PDSS2: variants seen among roughly 807,000 people sequenced by gnomAD.
PDSS2 encodes the protein all trans-polyprenyl-diphosphate synthase PDSS2.
A neutral mutation model predicts 44.5 loss-of-function variants in PDSS2; 31 were observed. That is an observed-to-expected ratio of 0.70 (90% confidence interval 0.52 to 0.94). PDSS2 has a LOEUF of 0.94. Ranked by LOEUF, PDSS2 falls within the 40% of genes least tolerant of loss-of-function variation. PDSS2 has a pLI of 0.00. For synonymous variants in PDSS2, 157 were observed against 180.3 expected (o/e 0.87, Z 1.03); for missense variants, 452 against 482.2 (o/e 0.94, Z 0.59).
intron 2 of PDSS2, among the ~76,000 whole-genome samples, chr6:107,305,716 T>C (rs1374806972): frequency 1.3e-5 from 2 of 152,188 alleles, no homozygotes; most frequent in African/African-American, 4.8e-5. Context: ...ACTAATGTCT[T>C]CTTTTTTTTG....
chr6:107,272,267 G>T (rs1266858727), intron 3 of PDSS2, among the ~76,000 whole-genome samples: 1 of 152,016 alleles, frequency 6.6e-6, no homozygotes, highest in Non-Finnish European at 1.5e-5. Flanking sequence ...GTTAAAAAAT[G>T]AAAAATTCAG....
intron 2 of PDSS2, among the ~76,000 whole-genome samples, chr6:107,329,913 A>G (rs1777660149): frequency 6.6e-6 from 1 of 150,706 alleles, no homozygotes; most frequent in Non-Finnish European, 1.5e-5. Context: ...AGGCAGGAGA[A>G]TTGCTTGAAA....
chr6:107,413,864 T>C (rs1362845397), intron 1 of PDSS2, among the ~76,000 whole-genome samples: 1 of 152,182 alleles, frequency 6.6e-6, no homozygotes, highest in Non-Finnish European at 1.5e-5. Context: ...TAGGTGAGGT[T>C]AGGCTAGGGA....
chr6:107,416,201 T>TA (rs1365576205), intron 1 of PDSS2, among the ~76,000 whole-genome samples: 1 of 152,162 alleles, frequency 6.6e-6, no homozygotes, highest in East Asian at 1.9e-4. Context: ...GGCATGTGTC[T>TA]AATCCTTTTT....
intron 5 of PDSS2, among the ~76,000 whole-genome samples, chr6:107,211,734 C>CAAA (rs772288348): frequency 1.3e-5 from 1 of 76,940 alleles, no homozygotes; most frequent in Non-Finnish European, 3.0e-5. Flanking sequence ...GACTCCATCT[C>CAAA]AAAAAAAAAA....
At chr6:107,237,980 A>G (rs568627362) in intron 4 of PDSS2, among the ~76,000 whole-genome samples, 143 of 152,174 alleles carry the variant, frequency 9.4e-4, no homozygotes, top group African/African-American at 3.3e-3. Flanking sequence ...AATGATATTC[A>G]TCATTATAAT....
intron 2 of PDSS2, among the ~76,000 whole-genome samples, chr6:107,280,383 A>G (rs1775922908): frequency 6.6e-6 from 1 of 152,204 alleles, no homozygotes; most frequent in African/African-American, 2.4e-5. Context: ...TCTTGATTAG[A>G]AAACAGTCAC....
intron 1 of PDSS2, among the ~76,000 whole-genome samples, chr6:107,378,908 T>C (rs547519534): frequency 1.3e-5 from 2 of 152,356 alleles, no homozygotes; most frequent in Admixed American, 6.5e-5. Context: ...TTTCATCATA[T>C]CATACCGAAG....
chr6:107,186,180 T>C (rs905038888), intron 7 of PDSS2, among the ~76,000 whole-genome samples: 3 of 152,228 alleles, frequency 2.0e-5, no homozygotes, highest in African/African-American at 7.2e-5. Flanking sequence ...AATGAATTAA[T>C]AGTTGTCAAG....
rs547318641 is a variant in PDSS2 at position 107,207,666 on chromosome 6, C to A, written c.1008+2773G>T. On this transcript the variant is annotated intron_variant, in intron 6 of 7. Transcript: ENST00000369037. ...TCACTCTGCTGGCCAGGATGGAGTG[C>A]AGTTGTGCAATCAGCTCACTGCAAC... Among the ~76,000 whole-genome samples the A allele has an allele frequency of 2.3e-5, 3 of 131,320 alleles. No individual in the cohort carries two copies. In the Admixed American group the frequency reaches 2.7e-4, roughly 12 times the overall value. The allele number at this position is 131,320 out of a possible 152,430, so 86.2% of individuals were successfully genotyped here.
rs550726738 is a variant in PDSS2, at chr6:107,194,173, A to G, written c.1009-319T>C. Among the ~76,000 whole-genome samples the G allele has an allele frequency of 1.2e-4, 19 of 152,324 alleles. No individual in the cohort carries two copies. The South Asian group carries it at 3.9e-3, about 32-fold the overall frequency. On this transcript the variant is annotated intron_variant, in intron 6 of 7. Transcript: ENST00000369037. Reference sequence around the variant, plus strand: ...ACATCACCCCATGACCACAATCAAAATTAATGAACTCACAATAATGCCATA... The same window carrying G: ...ACATCACCCCATGACCACAATCAAAGTTAATGAACTCACAATAATGCCATA...
intron 2 of PDSS2, among the ~76,000 whole-genome samples, chr6:107,309,880 C>T (rs941598762): frequency 6.6e-5 from 10 of 152,152 alleles, no homozygotes; most frequent in African/African-American, 2.2e-4. Context: ...TCTAGAATAA[C>T]GTACTATATT....
rs142742755 is a variant in PDSS2 at position 107,382,579 on chromosome 6, G to A, written c.297-48247C>T. Among the ~76,000 whole-genome samples the A allele has an allele frequency of 6.8e-4, 104 of 152,312 alleles. No individual in the cohort carries two copies. The South Asian group carries it at 0.013, about 18-fold the overall frequency. ...TGGTCAGGTGCAATGGCTCATGCCT[G>A]TAATTCTAGCACTTTGGAAGACCAA... is the stretch of plus-strand genomic sequence containing the variant. On this transcript the variant is annotated intron_variant, in intron 1 of 7. Coordinates refer to ENST00000369037, the MANE Select transcript of PDSS2 (RefSeq NM_020381.4).
chr6:107,456,509 C>G (rs1182162020), intron 1 of PDSS2, among the ~76,000 whole-genome samples: 1 of 152,094 alleles, frequency 6.6e-6, no homozygotes, highest in African/African-American at 2.4e-5. Context: ...GCAAAGAAAC[C>G]AGTAAAATGA....
chr6:107,375,560 C>A (rs967532261), intron 1 of PDSS2, among the ~76,000 whole-genome samples: 4 of 152,122 alleles, frequency 2.6e-5, no homozygotes, highest in Admixed American at 1.3e-4. Flanking sequence ...CAGTTCAGCC[C>A]AGATGTCTTC....
At chr6:107,280,892 A>C (rs549633526) in intron 2 of PDSS2, among the ~76,000 whole-genome samples, 1 of 152,296 alleles carries the variant, frequency 6.6e-6, no homozygotes, top group Non-Finnish European at 1.5e-5. Context: ...AATATACAGA[A>C]AAGTACATAC....
intron 1 of PDSS2, among the ~76,000 whole-genome samples, chr6:107,403,423 T>C (rs747209647): frequency 6.6e-6 from 1 of 152,196 alleles, no homozygotes; most frequent in Admixed American, 6.5e-5. Context: ...ATGGTTCAAG[T>C]TGTCAATGGA....
chr6:107,457,153 A>G (rs182038555), intron 1 of PDSS2, among the ~76,000 whole-genome samples: 1 of 152,324 alleles, frequency 6.6e-6, no homozygotes, highest in East Asian at 1.9e-4. Flanking sequence ...TAAGAAAATG[A>G]CAGGTGCCTC....
chr6:107,285,629 A>G (rs1582892572), intron 2 of PDSS2, among the ~76,000 whole-genome samples: 1 of 152,226 alleles, frequency 6.6e-6, no homozygotes, highest in South Asian at 2.1e-4. Context: ...TAGGGAAAAG[A>G]TGGATTATTC....
Sources: gnomAD v4.1 joint callset for allele counts (sites outside exome capture counted in the v4.1 genomes callset) on GRCh38, gnomAD v4.1.1 for gene constraint, MANE v1.5 for transcripts, NCBI Gene and HGNC (gene_info 2026-07-23, HGNC 2026-07-21) for gene names.